Variants in IGFN1 observed in about 807,000 individuals in gnomAD.
The protein encoded by IGFN1 is immunoglobulin-like and fibronectin type III domain-containing protein 1.
IGFN1 carries 253 observed loss-of-function variants against 289.5 expected under a neutral mutation model. The observed-to-expected ratio is 0.87, with a 90% CI of 0.79 to 0.97. The LOEUF is 0.97. IGFN1 is among the 50% of genes least tolerant of loss of function. IGFN1 has a pLI of 0.00. For missense variants in IGFN1, 4,470 were observed against 4,686.1 expected (o/e 0.95, Z 1.35); for synonymous variants, 1,706 against 1,788.5 (o/e 0.95, Z 1.16).
Position 201,215,804 on chromosome 1 carries a change from C to G in IGFN1, c.9261C>G (p.Gly3087=). The change falls in exon 15 of 24, where the codon GGC becomes GGG. Residue 3087 remains glycine (G), a synonymous_variant. Coordinates refer to ENST00000335211, the MANE Select transcript of IGFN1 (RefSeq NM_001164586.2). ...GCGTGACACTGAGGAGTGAGGGAGG[C>G]TCTGTGCAGGCCGAGCTCACTCTGC... The part of the protein sequence containing the change: ...QYSVTLRSEG[G]SVQAELTLQV... The G allele has an allele frequency of 6.3e-7, 1 of 1,596,710 alleles. No homozygotes were observed. The highest frequency in any genetic ancestry group is 8.5e-7 in the Non-Finnish European group (1 of 1,170,428).
intron 10 of IGFN1, 88 bp from the exon 11 acceptor site, chr1:201,204,994 C>T: frequency 1.5e-6 from 2 of 1,364,856 alleles, no homozygotes; most frequent in African/African-American, 2.9e-5. Flanking sequence ...TGGTCTAAGC[C>T]AGGATTTCTG....
At position 201,225,729 on chromosome 1, in the gene IGFN1, C is replaced by T. The variant is rs968050700; in HGVS notation, c.10487-95C>T. ...CTACTTGTGTGGCAAGACTGCGTTC[C>T]CCAGGACCCTCAGAAGTCCTGGGAC... is the stretch of plus-strand genomic sequence containing the variant. On this transcript the variant is annotated intron_variant, in intron 21 of 23. Coordinates refer to ENST00000335211, the MANE Select transcript of IGFN1 (RefSeq NM_001164586.2). 8 of 1,151,704 alleles carry T rather than the reference C, an allele frequency of 6.9e-6. No individual in the cohort carries two copies. In the Admixed American group the frequency reaches 8.0e-5, roughly 12 times the overall value. The allele number at this position is 1,151,704 out of a possible 1,614,324, so 71.3% of individuals were successfully genotyped here. A position where few individuals can be genotyped will look rare whatever the true frequency, so the allele number is the denominator to read the frequency against.
At chr1:201,219,912 CTGT>C (rs1653601661) in intron 18 of IGFN1, among the ~76,000 whole-genome samples, 2 of 152,266 alleles carry the variant, frequency 1.3e-5, no homozygotes, top group South Asian at 4.1e-4. Flanking sequence ...CTTTTCTTCT[CTGT>C]TCTTTTCTTT....
At position 201,206,365 on chromosome 1, in the gene IGFN1, G is replaced by A. The variant is rs1667421732; in HGVS notation, c.1472G>A (p.Gly491Asp). 1 of 1,550,548 alleles carries A rather than the reference G, an allele frequency of 6.4e-7. No individual in the cohort carries two copies. The highest frequency in any genetic ancestry group is 8.7e-7 in the Non-Finnish European group (1 of 1,146,986). Residue 491 changes from glycine (G) to aspartate (D), a missense_variant, in exon 12 of 24, where the codon GGC becomes GAC. By Grantham distance (94) the Gly-to-Asp change is moderately conservative. Around this residue, in one of 8 missense-constraint regions of IGFN1, gnomAD observed 2,011 missense variants for 1,953.4 expected, o/e 1.03. Transcript: ENST00000335211. ...TGGGGCCCTGGACAGGAGGGCGAGG[G>A]CTTTCCAGTAGCAGAGGGAAGCAGA... ...SAWGPGQEGEGFPVAEGSRAT... is the reference protein window; with the variant it reads ...SAWGPGQEGEDFPVAEGSRAT...
In IGFN1 at chr1:201,206,817, G is replaced by T; in HGVS notation, c.1924G>T (p.Asp642Tyr). 2 of 1,536,992 alleles carry T rather than the reference G, an allele frequency of 1.3e-6. No individual in the cohort carries two copies. Among genetic ancestry groups the T allele is most frequent in the Non-Finnish European group, 1.7e-6 (2 of 1,146,906 alleles). Residue 642 changes from aspartate to tyrosine, a missense_variant, in exon 12 of 24, where the codon GAT (aspartate) becomes TAT (tyrosine). Asp to Tyr is a radical substitution (Grantham distance 160). Around this residue, in one of 8 missense-constraint regions of IGFN1, gnomAD observed 2,011 missense variants for 1,953.4 expected, o/e 1.03. Coordinates refer to ENST00000335211, the MANE Select transcript of IGFN1 (RefSeq NM_001164586.2). ...DDSLAEMDRG[D>Y]APSRERGRGI... Reference sequence around the variant, plus strand: ...CAGCCTGGCTGAGATGGACAGAGGGGATGCTCCAAGTAGGGAAAGGGGGAG... The same window carrying T: ...CAGCCTGGCTGAGATGGACAGAGGGTATGCTCCAAGTAGGGAAAGGGGGAG...
Position 201,222,725 on chromosome 1 carries a change from C to T in IGFN1, c.10202-14C>T, listed in dbSNP as rs1265723167. 3 of 1,604,390 alleles carry T rather than the reference C, an allele frequency of 1.9e-6. No individual in the cohort carries two copies. The highest frequency in any genetic ancestry group is 1.7e-4 in the Middle Eastern group (1 of 6,040). On this transcript the variant is annotated splice_polypyrimidine_tract_variant and intron_variant, in intron 19 of 23. Coordinates refer to ENST00000335211, the MANE Select transcript of IGFN1 (RefSeq NM_001164586.2). ...AGGGAGGAGGGAGGTAACCAGTCCT[C>T]TTGTGCGTTTCAGTCTGTCCCAAGT... is the stretch of plus-strand genomic sequence containing the variant.
rs1318580120 is a variant in IGFN1, at chr1:201,210,715, A to G, written c.5822A>G (p.Lys1941Arg). The G allele has an allele frequency of 6.5e-7, 1 of 1,531,166 alleles. No homozygotes were observed. The highest frequency in any genetic ancestry group is 8.7e-7 in the Non-Finnish European group (1 of 1,145,362). 94.8% of individuals were successfully genotyped at this position (1,531,166 alleles called of 1,614,324 possible). Residue 1941 changes from lysine to arginine, a missense_variant, in exon 12 of 24, where the codon AAG becomes AGG. Lys to Arg is a conservative substitution (Grantham distance 26). This residue lies in a region of IGFN1 where 108 missense variants were observed against 128.7 expected (regional missense o/e 0.84). Transcript: ENST00000335211. ...GAPEGMGSGS[K>R]EGFRDGLGGS... ...CCTGAGGGAATGGGTTCAGGGAGTAAGGAAGGTTTCAGGGATGGTTTAGGG... is the reference window on the plus strand; with the variant it reads ...CCTGAGGGAATGGGTTCAGGGAGTAGGGAAGGTTTCAGGGATGGTTTAGGG...
chr1:201,216,106 GT>G, intron 15 of IGFN1: 1 of 678,066 alleles, frequency 1.5e-6, no homozygotes. Context: ...AAGTTGCTGG[GT>G]AGGATGGTGG....
In IGFN1 at chr1:201,225,889, T is replaced by C; in HGVS notation, c.10552T>C (p.Trp3518Arg). The change falls in exon 22 of 24, where the codon TGG (tryptophan) becomes CGG (arginine). Residue 3518 changes from tryptophan (W) to arginine (R), a missense_variant. Trp to Arg is a moderately radical substitution (Grantham distance 101, BLOSUM62 -3). This residue lies in a region of IGFN1 where 2,218 missense variants were observed against 2,114.1 expected (regional missense o/e 1.05). Transcript: ENST00000335211. ...ENVPGTVTAE[W>R]EPSPDEAQDV... ...CGTGCCTGGGACGGTGACGGCCGAGTGGGAACCCTCTCCTGACGAGGCCCA... is the reference window on the plus strand; with the variant it reads ...CGTGCCTGGGACGGTGACGGCCGAGCGGGAACCCTCTCCTGACGAGGCCCA... The C allele has an allele frequency of 6.2e-7, 1 of 1,612,510 alleles. No homozygotes were observed. Among genetic ancestry groups the C allele is most frequent in the East Asian group, 2.2e-5 (1 of 44,840 alleles).
chr1:201,225,105 T>C (rs75911280), intron 21 of IGFN1, among the ~76,000 whole-genome samples: 1,964 of 152,360 alleles, frequency 0.013, 43 homozygotes, highest in African/African-American at 0.045. Flanking sequence ...GACAGTCATG[T>C]CATGTCTCCT....
chr1:201,201,998 G>A (rs768667999), intron 9 of IGFN1, among the ~76,000 whole-genome samples, 166 bp downstream of exon 9: 23 of 152,138 alleles, frequency 1.5e-4, no homozygotes, highest in Non-Finnish European at 2.9e-4. Context: ...ACCAAACCCT[G>A]GTGTAGACCA....
At chr1:201,227,576 C>T (rs765064139) in intron 23 of IGFN1, among the ~76,000 whole-genome samples, 2 of 151,816 alleles carry the variant, frequency 1.3e-5, no homozygotes, top group African/African-American at 2.4e-5. Context: ...TACAGGCATC[C>T]GCCACCACAC....
chr1:201,217,518 A>G, intron 17 of IGFN1, 58 bp downstream of exon 17: 1 of 1,572,428 alleles, frequency 6.4e-7, no homozygotes, highest in Non-Finnish European at 8.7e-7. Context: ...CCAGGATCCC[A>G]GGGACTTTTC....
rs557844673 is a variant in IGFN1 at position 201,210,873 on chromosome 1, G to A, written c.5980G>A (p.Asp1994Asn). 1.9e-5 allele frequency: 29 copies of A among 1,516,874 alleles called. No homozygotes were observed. The African/African-American group carries it at 3.7e-4, about 20-fold the overall frequency. The allele number at this position is 1,516,874 out of a possible 1,614,324, so 94.0% of individuals were successfully genotyped here. Reference protein sequence around the residue: ...LGGSEEMGSMDEAGYRKDLGA... With the variant: ...LGGSEEMGSMNEAGYRKDLGA... ...GGGTTCTGAGGAAATGGGGTCAATG[G>A]ATGAGGCAGGTTATAGGAAGGATTT... The change falls in exon 12 of 24, where the codon GAT becomes AAT. Residue 1994 changes from aspartate to asparagine, a missense_variant. Asp to Asn is a conservative substitution (Grantham distance 23). Transcript: ENST00000335211.
At position 201,222,975 on chromosome 1, in the gene IGFN1, G is replaced by A. The variant is rs1008360421; in HGVS notation, c.10290+148G>A. The A allele has an allele frequency of 9.4e-6, 5 of 529,614 alleles. No individual in the cohort carries two copies. In the Admixed American group the frequency reaches 1.7e-4, roughly 18 times the overall value. The allele number at this position is 529,614 out of a possible 1,614,324, so 32.8% of individuals were successfully genotyped here. A position where few individuals can be genotyped will look rare whatever the true frequency, so the allele number is the denominator to read the frequency against. On this transcript the variant is annotated intron_variant, in intron 20 of 23. Coordinates refer to ENST00000335211, the MANE Select transcript of IGFN1 (RefSeq NM_001164586.2). ...CACTGACTGGGCTTGTGGAAATCAG[G>A]TGAGAGACATGAGGCAGGAAGGATT...
chr1:201,225,853 C>T lies in IGFN1; in HGVS notation c.10516C>T (p.Leu3506=). Reference sequence around the variant, plus strand: ...CCCGCAGGCCCCTGGGCCCATCCACCTGCAGGAGAACGTGCCTGGGACGGT... The same window carrying T: ...CCCGCAGGCCCCTGGGCCCATCCACTTGCAGGAGAACGTGCCTGGGACGGT... ...ACPQAPGPIH[L]QENVPGTVTA... is the part of the protein sequence containing the mutation. Residue 3506 remains leucine, a synonymous_variant, in exon 22 of 24, where the codon CTG becomes TTG. Transcript: ENST00000335211. 1 of 1,613,062 alleles carries T rather than the reference C, an allele frequency of 6.2e-7. No homozygotes were observed. The highest frequency in any genetic ancestry group is 8.5e-7 in the Non-Finnish European group (1 of 1,179,834).
At chr1:201,225,547 C>T (rs926034352) in intron 21 of IGFN1, among the ~76,000 whole-genome samples, 3 of 152,262 alleles carry the variant, frequency 2.0e-5, no homozygotes, top group African/African-American at 7.2e-5. Flanking sequence ...GAGCCGAGAT[C>T]GTGCCACTGC....
At chr1:201,204,302 C>T (rs145198249) in intron 10 of IGFN1, among the ~76,000 whole-genome samples, 2 of 152,336 alleles carry the variant, frequency 1.3e-5, no homozygotes, top group African/African-American at 2.4e-5. Flanking sequence ...GGCATCCTCA[C>T]GCTCCATACA....
intron 9 of IGFN1, 66 bp from the exon 10 acceptor site, chr1:201,203,672 T>C: frequency 2.7e-6 from 4 of 1,457,428 alleles, no homozygotes; most frequent in Non-Finnish European, 3.7e-6. Context: ...ATAGCCAGAA[T>C]GGGACTGGGG....
Sources: allele counts gnomAD v4.1 joint callset (sites outside exome capture counted in the v4.1 genomes callset), GRCh38; gene constraint gnomAD v4.1.1; regional missense constraint gnomAD v4.1.1; transcripts MANE v1.5; gene names NCBI Gene and HGNC (gene_info 2026-07-23, HGNC 2026-07-21).